BCAS3: variants seen among roughly 807,000 people sequenced by gnomAD.
The protein encoded by BCAS3 is BCAS4/BCAS3 fusion.
BCAS3 carries 53 observed loss-of-function variants against 116.1 expected under a neutral mutation model. The observed-to-expected ratio is 0.46, with a 90% CI of 0.37 to 0.57. The LOEUF is 0.57. Ranked by LOEUF, BCAS3 falls within the 20% of genes least tolerant of loss-of-function variation. The pLI, the probability that BCAS3 is intolerant of heterozygous loss-of-function variation, is 0.00. For missense variants in BCAS3, 917 were observed against 1,165.4 expected, an observed-to-expected ratio of 0.79 and a Z score of 3.10; for synonymous variants, 391 against 408.2, an observed-to-expected ratio of 0.96 and a Z score of 0.51.
At chr17:61,280,997 A>G (rs1025227283) in intron 22 of BCAS3, among the ~76,000 whole-genome samples, 1 of 152,212 alleles carries the variant, frequency 6.6e-6, no homozygotes, top group African/African-American at 2.4e-5. Flanking sequence ...AATGGTATAA[A>G]AAGAGACCTA....
intron 5 of BCAS3, among the ~76,000 whole-genome samples, chr17:60,739,389 G>A (rs2041300628): frequency 6.6e-6 from 1 of 152,120 alleles, no homozygotes; most frequent in Non-Finnish European, 1.5e-5. Flanking sequence ...GGAGGCTGAG[G>A]CAGGTGGATC....
In BCAS3 at chr17:60,816,045, A is replaced by G. The variant is rs535124474; in HGVS notation, c.476+7969A>G. ...GGAATCATATGTACTGTACCTGGGT[A>G]TTTACATTTTCGTAGCCAGTTGGGT... is the stretch of plus-strand genomic sequence containing the variant. On this transcript the variant is annotated intron_variant, in intron 7 of 23. Transcript: ENST00000407086. Among the ~76,000 whole-genome samples the G allele has an allele frequency of 1.1e-3, 170 of 152,180 alleles. 1 individual carries two copies. Among genetic ancestry groups the G allele is most frequent in the African/African-American group, 4.0e-3 (165 of 41,514 alleles).
At chr17:61,014,029 G>A (rs1222104463) in intron 15 of BCAS3, among the ~76,000 whole-genome samples, 3 of 152,042 alleles carry the variant, frequency 2.0e-5, no homozygotes, top group Non-Finnish European at 2.9e-5. Flanking sequence ...GGACTTTCGG[G>A]GGGGATGCTT....
intron 7 of BCAS3, among the ~76,000 whole-genome samples, chr17:60,815,318 T>C (rs2049275125): frequency 6.6e-6 from 1 of 151,888 alleles, no homozygotes; most frequent in Admixed American, 6.6e-5. Flanking sequence ...GGGAGAGGAA[T>C]AGCATTAGGA....
chr17:60,843,541 A>C (rs1342994520), intron 7 of BCAS3, among the ~76,000 whole-genome samples: 2 of 151,880 alleles, frequency 1.3e-5, no homozygotes, highest in African/African-American at 2.4e-5. Flanking sequence ...TGAAGTTAAG[A>C]ATATATCCCA....
chr17:61,290,427 C>A (rs1302846094), intron 22 of BCAS3, among the ~76,000 whole-genome samples: 1 of 152,184 alleles, frequency 6.6e-6, no homozygotes, highest in South Asian at 2.1e-4. Context: ...ACCATTCTCT[C>A]TGCTTATATA....
At chr17:61,267,351 C>A (rs62069616) in intron 22 of BCAS3, among the ~76,000 whole-genome samples, 1 of 151,780 alleles carries the variant, frequency 6.6e-6, no homozygotes. Context: ...GCCACTGCAC[C>A]TGGCTGGAAA....
At chr17:60,882,656 A>G (rs2056280935) in intron 9 of BCAS3, among the ~76,000 whole-genome samples, 3 of 150,070 alleles carry the variant, frequency 2.0e-5, no homozygotes, top group East Asian at 1.9e-4. Context: ...AGCTTCCTAC[A>G]TATGGCTAGC....
At chr17:60,807,940 A>G in intron 6 of BCAS3, 64 bp from the exon 7 acceptor site, 1 of 1,164,808 alleles carries the variant, frequency 8.6e-7, no homozygotes, top group African/African-American at 1.5e-5. Context: ...GAAAGCATGA[A>G]AATAGTGGGA....
chr17:60,874,134 G>A (rs953681856), intron 8 of BCAS3, among the ~76,000 whole-genome samples: 4 of 151,916 alleles, frequency 2.6e-5, no homozygotes, highest in African/African-American at 4.8e-5. Flanking sequence ...TGGTGTGATC[G>A]TAGCTCCCTG....
At chr17:61,094,018 C>A (rs1176895883) in intron 22 of BCAS3, among the ~76,000 whole-genome samples, 2 of 152,110 alleles carry the variant, frequency 1.3e-5, no homozygotes, top group Non-Finnish European at 2.9e-5. Context: ...TTATTATTTG[C>A]CTTTGTTTTT....
At chr17:61,001,507 A>C (rs940613154) in intron 15 of BCAS3, among the ~76,000 whole-genome samples, 2 of 152,136 alleles carry the variant, frequency 1.3e-5, no homozygotes, top group Non-Finnish European at 2.9e-5. Context: ...TTTTCTTTCC[A>C]CATCACTGTT....
intron 7 of BCAS3, among the ~76,000 whole-genome samples, chr17:60,825,894 G>A (rs907076622): frequency 1.4e-5 from 2 of 139,370 alleles, no homozygotes; most frequent in East Asian, 2.1e-4. Context: ...GTCTCGCACC[G>A]TCACCCAGGC....
chr17:60,922,747 G>A (rs887094992), intron 12 of BCAS3, among the ~76,000 whole-genome samples: 3 of 152,154 alleles, frequency 2.0e-5, no homozygotes, highest in Non-Finnish European at 2.9e-5. Context: ...AAAGTCATGC[G>A]GAGTATTTCT....
chr17:60,785,088 G>A (rs921855620), intron 6 of BCAS3, among the ~76,000 whole-genome samples: 2 of 152,148 alleles, frequency 1.3e-5, no homozygotes, highest in African/African-American at 4.8e-5. Flanking sequence ...AACAGAGCGA[G>A]ACTCCGTCTC....
Position 61,204,750 on chromosome 17 carries a change from C to T in BCAS3, c.2425+120186C>T, listed in dbSNP as rs776043033. Among the ~76,000 whole-genome samples, 5 of 151,724 alleles carry T rather than the reference C, an allele frequency of 3.3e-5. No individual in the cohort carries two copies. The highest frequency in any genetic ancestry group is 4.9e-5 in the African/African-American group (2 of 41,236). On this transcript the variant is annotated intron_variant, in intron 22 of 23. Transcript: ENST00000407086. This position sits in a 1 kb window ranked among gnomAD's most constrained non-coding sequence, Gnocchi z 4.2. ...TTATTAATAAGCATTTAGAAAAACT[C>T]GACAAAAAATTAAAGAATTGGCCTG...
At chr17:60,881,362 G>C (rs972526582) in intron 9 of BCAS3, among the ~76,000 whole-genome samples, 4 of 151,614 alleles carry the variant, frequency 2.6e-5, no homozygotes, top group Admixed American at 6.6e-5. Flanking sequence ...TTTTTCTTTT[G>C]TCCTATATAA....
At chr17:61,312,373 A>T (rs1019853245) in intron 22 of BCAS3, among the ~76,000 whole-genome samples, 138 of 152,308 alleles carry the variant, frequency 9.1e-4, no homozygotes, top group African/African-American at 3.1e-3. Flanking sequence ...TGTGATTCAC[A>T]TCTGGTACTG....
intron 14 of BCAS3, among the ~76,000 whole-genome samples, chr17:60,966,662 CTTTTTTTTTT>C (rs754857618): frequency 3.0e-5 from 4 of 133,082 alleles, no homozygotes; most frequent in African/African-American, 1.1e-4. Flanking sequence ...TATCACCCAA[CTTTTTTTTTT>C]TTTTTTTTTT....
Sources: allele counts gnomAD v4.1 joint callset (sites outside exome capture counted in the v4.1 genomes callset), GRCh38; gene constraint gnomAD v4.1.1; non-coding constraint Gnocchi (gnomAD v3.1); transcripts MANE v1.5; gene names NCBI Gene and HGNC (gene_info 2026-07-23, HGNC 2026-07-21).